The following LIPH variants were observed in gnomAD, a reference collection of about 807,000 sequenced individuals.
LIPH encodes lipase member H.
LIPH carries 32 observed loss-of-function variants against 47.6 expected under a neutral mutation model. The ratio of observed to expected loss-of-function variants is 0.67; its 90% CI spans 0.51 to 0.90. The LOEUF (loss-of-function observed/expected upper bound fraction) is 0.90. Ranked by LOEUF, LIPH falls within the 40% of genes least tolerant of loss-of-function variation. LIPH has a pLI of 0.00. For missense variants in LIPH, 497 were observed against 541.4 expected (o/e 0.92, Z 0.81); for synonymous variants, 190 against 195.6 (o/e 0.97, Z 0.24).
intron 1 of LIPH, among the ~76,000 whole-genome samples, chr3:185,538,922 T>TA (rs1354923374): frequency 1.4e-5 from 2 of 146,488 alleles, no homozygotes; most frequent in Non-Finnish European, 3.0e-5. Flanking sequence ...TATATACACA[T>TA]ATACACATAT....
chr3:185,515,373 C>T (rs1338165726), intron 7 of LIPH, among the ~76,000 whole-genome samples: 3 of 151,836 alleles, frequency 2.0e-5, no homozygotes, highest in East Asian at 1.9e-4. Flanking sequence ...GACAGTCCCA[C>T]GAAGGAATAA....
At chr3:185,531,605 A>T (rs1049806817) in intron 3 of LIPH, among the ~76,000 whole-genome samples, 4 of 150,846 alleles carry the variant, frequency 2.7e-5, no homozygotes, top group Non-Finnish European at 5.9e-5. Flanking sequence ...TCCTAAGGCC[A>T]GCTGGTGGCT....
chr3:185,533,562 G>A lies in LIPH; in HGVS notation c.526+9C>T. The stretch of plus-strand genomic sequence containing the variant: ...GGCTACCAACCCATGCCCATTCACA[G>A]GCACTTACCTGTAATTCTCCCCAGC... On this transcript the variant is annotated intron_variant, in intron 3 of 9. Transcript: ENST00000296252. The A allele has an allele frequency of 1.9e-6, 3 of 1,587,198 alleles. No individual in the cohort carries two copies. In the Admixed American group the frequency reaches 5.0e-5, roughly 26 times the overall value.
intron 7 of LIPH, among the ~76,000 whole-genome samples, chr3:185,515,487 G>A (rs967672813): frequency 5.9e-5 from 9 of 151,312 alleles, no homozygotes; most frequent in Non-Finnish European, 4.4e-5. Context: ...TGGCTCCAAA[G>A]AAAGAGGGAA....
intron 9 of LIPH, among the ~76,000 whole-genome samples, chr3:185,510,451 C>T (rs1477154972): frequency 1.3e-5 from 2 of 152,216 alleles, no homozygotes; most frequent in Non-Finnish European, 2.9e-5. Flanking sequence ...CTCTCTTTCT[C>T]TCCCCAAACA....
chr3:185,528,863 T>C (rs1720211231), intron 3 of LIPH, among the ~76,000 whole-genome samples: 1 of 151,888 alleles, frequency 6.6e-6, no homozygotes, highest in Non-Finnish European at 1.5e-5. Flanking sequence ...AAAATAAAGA[T>C]TAAACAACAA....
chr3:185,538,108 A>G (rs536570), intron 1 of LIPH, among the ~76,000 whole-genome samples: 136,990 of 152,258 alleles, frequency 0.9, 62,290 homozygotes, highest in East Asian at 0.99. Context: ...GCCCAGCCCT[A>G]CATAATTTCT....
chr3:185,534,870 A>G lies in LIPH; in HGVS notation c.312T>C (p.Val104=), dbSNP rs769695825. Residue 104 remains valine, a synonymous_variant, in exon 2 of 10, where the codon GTT becomes GTC. Transcript: ENST00000296252. The part of the protein sequence containing the change: ...GLLSVEDMNV[V]VVDWNRGATT... ...TAGCTCCTCGATTCCAATCAACAACAACTACGTTCATGTCTTCAACAGAGA... is the reference window on the plus strand; with the variant it reads ...TAGCTCCTCGATTCCAATCAACAACGACTACGTTCATGTCTTCAACAGAGA... 57 of 1,614,120 alleles carry G rather than the reference A, an allele frequency of 3.5e-5. No homozygotes were observed. The highest frequency in any genetic ancestry group is 4.5e-5 in the Non-Finnish European group (53 of 1,180,048).
At chr3:185,528,323 G>GAAGAAAGAAGAAAGA (rs1553822822) in intron 3 of LIPH, among the ~76,000 whole-genome samples, 3 of 125,514 alleles carry the variant, frequency 2.4e-5, no homozygotes, top group East Asian at 2.4e-4. Flanking sequence ...AAGAAAGAAA[G>GAAGAAAGAAGAAAGA]AAGAAAGAAA....
At chr3:185,546,497 T>C (rs891141900) in intron 1 of LIPH, among the ~76,000 whole-genome samples, 6 of 146,032 alleles carry the variant, frequency 4.1e-5, no homozygotes, top group African/African-American at 1.0e-4. Flanking sequence ...CCCATCTCTT[T>C]AAAAAAAAAA....
At chr3:185,540,162 C>T (rs2148962773) in intron 1 of LIPH, among the ~76,000 whole-genome samples, 1 of 152,296 alleles carries the variant, frequency 6.6e-6, no homozygotes, top group East Asian at 1.9e-4. Flanking sequence ...CTTTATCCTT[C>T]ACACTTCCTG....
In LIPH at chr3:185,522,640, G is replaced by GAA. The variant is rs55937100; in HGVS notation, c.718+1430_718+1431insTT. 8.9e-3 allele frequency among the ~76,000 whole-genome samples: 1,147 copies of GAA among 128,656 alleles called. 14 individuals carry two copies. The highest frequency in any genetic ancestry group is 0.031 in the Middle Eastern group (8 of 256). 84.4% of individuals were successfully genotyped at this position (128,656 alleles called of 152,430 possible). ...GAGAGAAAGAAAGAAGGAAAAGAAAGAGAGAAAGAAAAAGAAAGAAAGAAA... is the reference window on the plus strand; with the variant it reads ...GAGAGAAAGAAAGAAGGAAAAGAAAGAAAGAGAAAGAAAAAGAAAGAAAGAAA... On this transcript the variant is annotated intron_variant, in intron 5 of 9. Transcript: ENST00000296252.
At chr3:185,548,825 G>A (rs568652200) in intron 1 of LIPH, among the ~76,000 whole-genome samples, 3 of 151,566 alleles carry the variant, frequency 2.0e-5, no homozygotes, top group Non-Finnish European at 4.4e-5. Context: ...CAGTTGGACA[G>A]GGTCAAACCT....
At chr3:185,551,946 T>C (rs1156632855) in intron 1 of LIPH, among the ~76,000 whole-genome samples, 1 of 152,056 alleles carries the variant, frequency 6.6e-6, no homozygotes, top group Non-Finnish European at 1.5e-5. Flanking sequence ...TTTATCTATA[T>C]AAAATTATGT....
intron 3 of LIPH, among the ~76,000 whole-genome samples, chr3:185,532,437 G>GTT (rs1720359603): frequency 6.6e-6 from 1 of 151,288 alleles, no homozygotes; most frequent in Non-Finnish European, 1.5e-5. Flanking sequence ...TTGTGCCTGG[G>GTT]GGGGCGTTGA....
In LIPH at chr3:185,508,802, C is replaced by T; in HGVS notation, c.1344G>A (p.Glu448=). ...ETVFQPILCP[E]LQL is the part of the protein sequence containing the mutation. The stretch of plus-strand genomic sequence containing the variant: ...GTCCTGGCAACAGTTACAACTGCAA[C>T]TCTGGGCAAAGAATAGGTTGGAAGA... The change falls in exon 10 of 10, where the codon GAG becomes GAA. Residue 448 remains glutamate (E), a synonymous_variant. Transcript: ENST00000296252. 1 of 1,613,048 alleles carries T rather than the reference C, an allele frequency of 6.2e-7. No individual in the cohort carries two copies. The highest frequency in any genetic ancestry group is 8.5e-7 in the Non-Finnish European group (1 of 1,179,016).
chr3:185,528,279 A>T (rs1269697238), intron 3 of LIPH, among the ~76,000 whole-genome samples: 1 of 136,318 alleles, frequency 7.3e-6, no homozygotes, highest in Non-Finnish European at 1.6e-5. Context: ...AGCAGATGCT[A>T]TACTCATCTT....
chr3:185,544,880 C>T (rs1409295652), intron 1 of LIPH, among the ~76,000 whole-genome samples: 1 of 152,080 alleles, frequency 6.6e-6, no homozygotes, highest in African/African-American at 2.4e-5. Context: ...CTGCAGACAT[C>T]AGATCCTCCA....
chr3:185,527,797 G>C (rs950708049), intron 3 of LIPH, among the ~76,000 whole-genome samples: 1 of 148,024 alleles, frequency 6.8e-6, no homozygotes, highest in African/African-American at 2.5e-5. Context: ...GTGCCCCTGA[G>C]AATGGCATCC....
Sources: allele counts gnomAD v4.1 joint callset (sites outside exome capture counted in the v4.1 genomes callset), GRCh38; gene constraint gnomAD v4.1.1; transcripts MANE v1.5; gene names NCBI Gene and HGNC (gene_info 2026-07-23, HGNC 2026-07-21).